INPP4B: variants seen among roughly 807,000 people sequenced by gnomAD.
INPP4B encodes inositol polyphosphate-4-phosphatase type II B, also known as inositol polyphosphate 4-phosphatase type II.
A neutral mutation model predicts 122.5 loss-of-function variants in INPP4B; 55 were observed. The observed-to-expected ratio is 0.45, with a 90% CI of 0.36 to 0.56. INPP4B has a LOEUF of 0.56. Ranked by LOEUF, INPP4B falls within the 20% of genes least tolerant of loss-of-function variation. The pLI is 0.00. For synonymous variants in INPP4B, 403 were observed against 388.7 expected (o/e 1.04, Z -0.43); for missense variants, 1,000 against 1,097.7 (o/e 0.91, Z 1.26).
chr4:142,032,832 GC>G (rs2152282287), intron 25 of INPP4B, among the ~76,000 whole-genome samples: 1 of 152,264 alleles, frequency 6.6e-6, no homozygotes, highest in South Asian at 2.1e-4. Context: ...CTTAGAGAAT[GC>G]CTATAGCAAG....
chr4:142,585,848 TA>T (rs1736067193), intron 2 of INPP4B, among the ~76,000 whole-genome samples: 1 of 132,482 alleles, frequency 7.5e-6, no homozygotes, highest in South Asian at 2.4e-4. Flanking sequence ...CTAAACACTT[TA>T]TTATTATTAT....
intron 21 of INPP4B, among the ~76,000 whole-genome samples, chr4:142,113,172 T>G (rs1051780094): frequency 6.6e-6 from 1 of 152,032 alleles, no homozygotes; most frequent in African/African-American, 2.4e-5. Context: ...TTTTATTGCT[T>G]AGAGTGAAAC....
chr4:142,058,583 A>G (rs1758920971), intron 25 of INPP4B, among the ~76,000 whole-genome samples: 5 of 151,938 alleles, frequency 3.3e-5, no homozygotes, highest in African/African-American at 1.2e-4. Context: ...TTCATATACC[A>G]CTCTCATATA....
intron 16 of INPP4B, 56 bp downstream of exon 16, chr4:142,173,576 C>A: frequency 6.8e-7 from 1 of 1,479,282 alleles, no homozygotes; most frequent in South Asian, 1.2e-5. Context: ...GAAAGCCAGA[C>A]CAATGGGAAT....
intron 7 of INPP4B, among the ~76,000 whole-genome samples, chr4:142,369,633 A>T (rs544334111): frequency 4.0e-5 from 6 of 150,692 alleles, no homozygotes; most frequent in Admixed American, 1.3e-4. Flanking sequence ...AAAAAATAAA[A>T]AAAATAAAAA....
At chr4:142,301,396 G>GA (rs1374145400) in intron 9 of INPP4B, among the ~76,000 whole-genome samples, 1 of 152,074 alleles carries the variant, frequency 6.6e-6, no homozygotes, top group Admixed American at 6.6e-5. Flanking sequence ...GGACAAGGAA[G>GA]AAAAAATTCC....
chr4:142,560,212 G>T (rs1039653561), intron 2 of INPP4B, among the ~76,000 whole-genome samples: 24 of 152,330 alleles, frequency 1.6e-4, no homozygotes, highest in African/African-American at 5.8e-4. Context: ...CCCCGCCTCA[G>T]CCATGTGCCT....
At chr4:142,334,934 A>T (rs768075352) in intron 7 of INPP4B, among the ~76,000 whole-genome samples, 7 of 151,812 alleles carry the variant, frequency 4.6e-5, no homozygotes, top group Non-Finnish European at 1.0e-4. Flanking sequence ...TCATGTGTTG[A>T]TGGTGAGCTA....
intron 18 of INPP4B, among the ~76,000 whole-genome samples, chr4:142,135,680 AAAAT>A (rs1421843409): frequency 2.0e-5 from 3 of 152,186 alleles, no homozygotes; most frequent in Admixed American, 6.5e-5. Flanking sequence ...AATCCAGTAA[AAAAT>A]AAAAACAGGA....
chr4:142,112,942 C>A (rs10519616), intron 21 of INPP4B, among the ~76,000 whole-genome samples: 5,242 of 152,082 alleles, frequency 0.034, 115 homozygotes, highest in Middle Eastern at 0.065. Flanking sequence ...TTTTTGTACA[C>A]CCAGGGTCAT....
chr4:142,110,819 T>G (rs1789645502), intron 22 of INPP4B, among the ~76,000 whole-genome samples: 1 of 152,170 alleles, frequency 6.6e-6, no homozygotes, highest in Non-Finnish European at 1.5e-5. Context: ...ACATGAATGA[T>G]GCAAATTAGT....
intron 2 of INPP4B, among the ~76,000 whole-genome samples, chr4:142,510,647 G>A (rs918087182): frequency 1.8e-4 from 28 of 152,080 alleles, no homozygotes; most frequent in Non-Finnish European, 4.0e-4. Flanking sequence ...CCTACGTATT[G>A]AGTAATAGAC....
intron 7 of INPP4B, among the ~76,000 whole-genome samples, chr4:142,315,276 G>A (rs1029418173): frequency 2.6e-5 from 4 of 151,976 alleles, no homozygotes; most frequent in South Asian, 2.1e-4. Context: ...CTGAATGAGC[G>A]CCCACACTCA....
At chr4:142,798,411 T>C (rs1777557570) in intron 1 of INPP4B, among the ~76,000 whole-genome samples, 1 of 151,858 alleles carries the variant, frequency 6.6e-6, no homozygotes. Flanking sequence ...AAAAACTTAT[T>C]ATGGTTTCAG....
intron 2 of INPP4B, among the ~76,000 whole-genome samples, chr4:142,660,516 T>C (rs1461657265): frequency 1.3e-5 from 2 of 152,012 alleles, no homozygotes. Flanking sequence ...TATGGGACAC[T>C]CCCCTCAGAT....
chr4:142,168,967 T>C (rs904086560), intron 16 of INPP4B, among the ~76,000 whole-genome samples: 9 of 151,650 alleles, frequency 5.9e-5, no homozygotes, highest in African/African-American at 1.2e-4. Flanking sequence ...GATCACATAA[T>C]TTGTTACCTA....
At chr4:142,563,889 G>A (rs528779718) in intron 2 of INPP4B, among the ~76,000 whole-genome samples, 5 of 152,206 alleles carry the variant, frequency 3.3e-5, no homozygotes, top group South Asian at 4.1e-4. Context: ...CTAATCCCCC[G>A]AAGCAGAGCC....
intron 2 of INPP4B, among the ~76,000 whole-genome samples, chr4:142,716,685 A>C (rs2150819020): frequency 6.6e-6 from 1 of 152,346 alleles, no homozygotes; most frequent in South Asian, 2.1e-4. Context: ...AGAGGTCCCA[A>C]GTCTACATTA....
intron 18 of INPP4B, 76 bp downstream of exon 18, chr4:142,145,764 T>C (rs1344306116): frequency 1.6e-5 from 23 of 1,432,446 alleles, no homozygotes; most frequent in Admixed American, 7.0e-5. Flanking sequence ...CTCCTCTTCT[T>C]CTATATCATT....
Sources: allele counts gnomAD v4.1 joint callset (sites outside exome capture counted in the v4.1 genomes callset), GRCh38; gene constraint gnomAD v4.1.1; transcripts MANE v1.5; gene names NCBI Gene and HGNC (gene_info 2026-07-23, HGNC 2026-07-21).